Variants in PXDNL observed in about 807,000 individuals in gnomAD.
PXDNL encodes the protein probable oxidoreductase PXDNL.
PXDNL carries 145 observed loss-of-function variants against 150.8 expected under a neutral mutation model. The observed-to-expected ratio is 0.96, with a 90% CI of 0.84 to 1.10. The LOEUF is 1.10. Among genes scored for constraint, PXDNL ranks in the 50% least tolerant of loss-of-function variants. PXDNL has a pLI of 0.00. For synonymous variants in PXDNL, 757 were observed against 725.7 expected (o/e 1.04, Z -0.69); for missense variants, 2,087 against 1,873.9 (o/e 1.11, Z -2.10).
intron 4 of PXDNL, among the ~76,000 whole-genome samples, chr8:51,534,801 G>GA (rs2130451846): frequency 1.1e-5 from 1 of 90,230 alleles, no homozygotes; most frequent in East Asian, 3.8e-4. Flanking sequence ...AGGTGGGGGG[G>GA]TCAGCCCCCC....
At chr8:51,766,842 A>G (rs545942426) in intron 1 of PXDNL, among the ~76,000 whole-genome samples, 150 of 152,158 alleles carry the variant, frequency 9.9e-4, no homozygotes, top group African/African-American at 3.5e-3. Flanking sequence ...TTTGATGTGT[A>G]TAATTGTTTT....
chr8:51,508,785 C>T (rs1811346575), intron 4 of PXDNL, among the ~76,000 whole-genome samples: 1 of 152,212 alleles, frequency 6.6e-6, no homozygotes, highest in South Asian at 2.1e-4. Flanking sequence ...TAGTAGACAA[C>T]TCAAACTTGT....
intron 4 of PXDNL, among the ~76,000 whole-genome samples, chr8:51,528,162 C>G (rs1811806812): frequency 6.6e-6 from 1 of 152,152 alleles, no homozygotes; most frequent in Non-Finnish European, 1.5e-5. Flanking sequence ...TACCATGAGA[C>G]TGAAAACAAC....
chr8:51,809,192 C>G lies in PXDNL; in HGVS notation c.153G>C (p.Gln51His), dbSNP rs1029375433. Residue 51 changes from glutamine to histidine, a missense_variant, in exon 1 of 23, where the codon CAG becomes CAC. Transcript: ENST00000356297. ...TTATGTGAACTTACAGAACTGTGGT[C>G]TGCTGTGGTACCTGAGGAATGTGGT... ...MLDHIPQVPQQTTVLDLRFNR... is the reference protein window; with the variant it reads ...MLDHIPQVPQHTTVLDLRFNR... The G allele has an allele frequency of 1.2e-6, 2 of 1,613,742 alleles. No homozygotes were observed. The highest frequency in any genetic ancestry group is 1.7e-6 in the Non-Finnish European group (2 of 1,179,870).
At position 51,454,972 on chromosome 8, in the gene PXDNL, G is replaced by A. The variant is rs578130706; in HGVS notation, c.983-1187C>T. 1.0e-4 allele frequency among the ~76,000 whole-genome samples: 10 copies of A among 96,474 alleles called. 1 individual carries two copies. Among genetic ancestry groups the A allele is most frequent in the African/African-American group, 2.9e-4 (4 of 13,904 alleles). 63.3% of individuals were successfully genotyped at this position (96,474 alleles called of 152,430 possible). The stretch of plus-strand genomic sequence containing the variant: ...GGTAAGGGAAAAATTAGCCGGGCGC[G>A]GTGGCGGGCGCCTGTAGTCCCAGCT... On this transcript the variant is annotated intron_variant, in intron 9 of 22. Coordinates refer to ENST00000356297, the MANE Select transcript of PXDNL (RefSeq NM_144651.5).
At chr8:51,523,173 C>T (rs1811697683) in intron 4 of PXDNL, among the ~76,000 whole-genome samples, 1 of 151,906 alleles carries the variant, frequency 6.6e-6, no homozygotes, top group South Asian at 2.1e-4. Context: ...TATGATGTGT[C>T]TAAAGAAATA....
chr8:51,438,240 C>T (rs561289217), intron 12 of PXDNL, among the ~76,000 whole-genome samples: 1 of 152,050 alleles, frequency 6.6e-6, no homozygotes, highest in Non-Finnish European at 1.5e-5. Flanking sequence ...ACCATACTGA[C>T]AAAAGCAGTC....
Position 51,549,395 on chromosome 8 carries a change from C to T in PXDNL, c.380+7445G>A, listed in dbSNP as rs370258710. Among the ~76,000 whole-genome samples, 23 of 152,144 alleles carry T rather than the reference C, an allele frequency of 1.5e-4. No homozygotes were observed. The South Asian group carries it at 4.6e-3, about 30-fold the overall frequency. On this transcript the variant is annotated intron_variant, in intron 4 of 22. Transcript: ENST00000356297. ...AACATATATATTTTTTTCATCAGAACATGGAACATTCTCCAAGATAGAACA... is the reference window on the plus strand; with the variant it reads ...AACATATATATTTTTTTCATCAGAATATGGAACATTCTCCAAGATAGAACA...
intron 1 of PXDNL, among the ~76,000 whole-genome samples, chr8:51,675,643 A>C (rs1260300169): frequency 6.6e-6 from 1 of 151,832 alleles, no homozygotes; most frequent in Non-Finnish European, 1.5e-5. Context: ...AAATACAAAA[A>C]TTAGCTGGGT....
At chr8:51,689,135 C>G (rs1815936756) in intron 1 of PXDNL, among the ~76,000 whole-genome samples, 1 of 152,222 alleles carries the variant, frequency 6.6e-6, no homozygotes, top group East Asian at 1.9e-4. Flanking sequence ...GCCCACAAGT[C>G]TCTTGGAGCC....
intron 1 of PXDNL, among the ~76,000 whole-genome samples, chr8:51,721,372 T>A (rs1816726901): frequency 6.6e-6 from 1 of 152,212 alleles, no homozygotes; most frequent in Non-Finnish European, 1.5e-5. Flanking sequence ...TAAAAACAGC[T>A]GCAGTATCCA....
At chr8:51,583,477 T>C (rs189588454) in intron 3 of PXDNL, among the ~76,000 whole-genome samples, 11 of 152,304 alleles carry the variant, frequency 7.2e-5, no homozygotes, top group Non-Finnish European at 1.6e-4. Context: ...GTGGTATTAG[T>C]TGTAATGTCT....
chr8:51,393,770 G>C (rs961358738), intron 17 of PXDNL, among the ~76,000 whole-genome samples: 1 of 152,166 alleles, frequency 6.6e-6, no homozygotes, highest in Non-Finnish European at 1.5e-5. Flanking sequence ...GAAAAGAAGG[G>C]GCCCCAGCGA....
chr8:51,497,467 C>A (rs1183367126), intron 5 of PXDNL, among the ~76,000 whole-genome samples: 1 of 152,132 alleles, frequency 6.6e-6, no homozygotes, highest in Non-Finnish European at 1.5e-5. Flanking sequence ...TTCTGCACAG[C>A]AAAAGAAACT....
At chr8:51,475,221 A>G in intron 6 of PXDNL, 80 bp from the exon 7 acceptor site, 1 of 1,323,622 alleles carries the variant, frequency 7.6e-7, no homozygotes, top group Non-Finnish European at 1.0e-6. Flanking sequence ...GTAATATTTA[A>G]TTTCCCCTGA....
intron 1 of PXDNL, among the ~76,000 whole-genome samples, chr8:51,797,846 C>CA (rs34295362): frequency 3.3e-5 from 5 of 152,040 alleles, no homozygotes; most frequent in Admixed American, 1.3e-4. Flanking sequence ...CATTTGGAAC[C>CA]AAAAAAGAGC....
chr8:51,582,495 T>C (rs929146974), intron 3 of PXDNL, among the ~76,000 whole-genome samples: 4 of 152,174 alleles, frequency 2.6e-5, no homozygotes, highest in Non-Finnish European at 5.9e-5. Flanking sequence ...ATTTAAAAAG[T>C]GTTGCACACA....
At chr8:51,653,459 C>T (rs1815081629) in intron 2 of PXDNL, among the ~76,000 whole-genome samples, 2 of 152,202 alleles carry the variant, frequency 1.3e-5, no homozygotes, top group South Asian at 4.1e-4. Context: ...TCTTTGGGCC[C>T]ATCCTGAGAA....
At chr8:51,452,988 C>T (rs1809844097) in intron 10 of PXDNL, among the ~76,000 whole-genome samples, 1 of 124,028 alleles carries the variant, frequency 8.1e-6, no homozygotes. Flanking sequence ...GGGGCCACCC[C>T]AGGCTGAGAA....
Sources: gnomAD v4.1 joint callset for allele counts (sites outside exome capture counted in the v4.1 genomes callset) on GRCh38, gnomAD v4.1.1 for gene constraint, MANE v1.5 for transcripts, NCBI Gene and HGNC (gene_info 2026-07-23, HGNC 2026-07-21) for gene names.